The following SV2C variants were observed in gnomAD, a reference collection of about 807,000 sequenced individuals.
The protein encoded by SV2C is synaptic vesicle glycoprotein 2C, also known as solute carrier family 22 member B3.
A neutral mutation model predicts 79.7 loss-of-function variants in SV2C; 49 were observed. The ratio of observed to expected loss-of-function variants is 0.61; its 90% CI spans 0.49 to 0.78. The LOEUF is 0.78. Among genes scored for constraint, SV2C ranks in the 30% least tolerant of loss-of-function variants. The pLI, the probability that SV2C is intolerant of heterozygous loss-of-function variation, is 0.00. For missense variants in SV2C, 833 were observed against 912.9 expected, an observed-to-expected ratio of 0.91 and a Z score of 1.13; for synonymous variants, 334 against 333.2, an observed-to-expected ratio of 1.00 and a Z score of -0.03.
At chr5:75,948,201 T>C in the SV2C span, among the ~76,000 whole-genome samples, 1 of 152,096 alleles carries the variant, frequency 6.6e-6, no homozygotes, top group African/African-American at 2.4e-5. Context: ...AAGTTAGGAC[T>C]GCACCTTACA....
At chr5:76,313,769 G>A (rs1382729574) in intron 12 of SV2C, among the ~76,000 whole-genome samples, 2 of 152,132 alleles carry the variant, frequency 1.3e-5, no homozygotes, top group Non-Finnish European at 2.9e-5. Flanking sequence ...AGGGCTTGGA[G>A]GACGCTTGTA....
chr5:76,245,499 C>T (rs898683696), intron 4 of SV2C, among the ~76,000 whole-genome samples: 2 of 152,162 alleles, frequency 1.3e-5, no homozygotes, highest in African/African-American at 4.8e-5. Flanking sequence ...TGGGAGCCTA[C>T]AAGAGACAAT....
At chr5:75,972,519 A>G in the SV2C span, among the ~76,000 whole-genome samples, 38,621 of 152,080 alleles carry the variant, frequency 0.25, 6,204 homozygotes, top group Non-Finnish European at 0.37. Context: ...TGGGCGAAGG[A>G]TATGAACAGA....
intron 1 of SV2C, among the ~76,000 whole-genome samples, chr5:76,129,195 C>T (rs1307334321): frequency 6.6e-6 from 1 of 152,206 alleles, no homozygotes; most frequent in Non-Finnish European, 1.5e-5. Flanking sequence ...TACCCTTCAC[C>T]AGCTAACCCC....
chr5:75,906,433 C>CTT, the SV2C span, among the ~76,000 whole-genome samples: 495 of 137,118 alleles, frequency 3.6e-3, 4 homozygotes, highest in African/African-American at 0.013. Context: ...TTCATGTCTG[C>CTT]TTTTTTTTTT....
intron 2 of SV2C, among the ~76,000 whole-genome samples, chr5:76,162,548 G>T (rs987624319): frequency 6.6e-6 from 1 of 152,198 alleles, no homozygotes; most frequent in Admixed American, 6.5e-5. Flanking sequence ...TGTACCAGAT[G>T]CTTCCTGACA....
intron 2 of SV2C, among the ~76,000 whole-genome samples, chr5:76,156,054 TG>T (rs1742716252): frequency 6.6e-6 from 1 of 151,400 alleles, no homozygotes; most frequent in African/African-American, 2.4e-5. Context: ...GCTAGTTTGC[TG>T]GGAACTAGGG....
the SV2C span, among the ~76,000 whole-genome samples, chr5:76,020,808 G>A: frequency 6.6e-6 from 1 of 152,136 alleles, no homozygotes; most frequent in Non-Finnish European, 1.5e-5. Flanking sequence ...TAAGAAAGCA[G>A]GTGTGCTTTT....
At chr5:76,117,634 A>T (rs1284672252) in intron 1 of SV2C, among the ~76,000 whole-genome samples, 1 of 152,208 alleles carries the variant, frequency 6.6e-6, no homozygotes, top group East Asian at 1.9e-4. Context: ...AACTGAACAG[A>T]TACTAATACA....
the SV2C span, among the ~76,000 whole-genome samples, chr5:75,998,532 A>C: frequency 2.6e-5 from 4 of 152,142 alleles, no homozygotes; most frequent in African/African-American, 7.2e-5. Flanking sequence ...TTGAATTGCA[A>C]GGAAAATGTC....
the SV2C span, among the ~76,000 whole-genome samples, chr5:75,993,717 G>T: frequency 6.6e-6 from 1 of 152,036 alleles, no homozygotes. Flanking sequence ...GGAGGAGATT[G>T]TCTAGGTCCA....
the SV2C span, among the ~76,000 whole-genome samples, chr5:75,947,616 T>G: frequency 6.6e-6 from 1 of 151,980 alleles, no homozygotes; most frequent in Non-Finnish European, 1.5e-5. Flanking sequence ...TTGAGGGGTA[T>G]CCTAATTTCA....
the SV2C span, chr5:75,910,458 TA>T: frequency 1.7e-6 from 1 of 601,190 alleles, no homozygotes. Flanking sequence ...TCAGCTGCAC[TA>T]AGGAAGTTCT....
chr5:76,038,953 G>A, the SV2C span, among the ~76,000 whole-genome samples: 1 of 152,208 alleles, frequency 6.6e-6, no homozygotes, highest in Non-Finnish European at 1.5e-5. Flanking sequence ...AGAAGAAACA[G>A]TAGAACAGCA....
intron 1 of SV2C, among the ~76,000 whole-genome samples, chr5:76,114,508 G>C (rs1193497020): frequency 6.6e-6 from 1 of 152,220 alleles, no homozygotes; most frequent in African/African-American, 2.4e-5. Flanking sequence ...AGGAAAATGT[G>C]TTTTGCTGTT....
the SV2C span, among the ~76,000 whole-genome samples, chr5:76,066,381 A>G: frequency 2.1e-5 from 3 of 141,336 alleles, no homozygotes; most frequent in Non-Finnish European, 3.0e-5. Context: ...TCTCACTCAT[A>G]GGTGGGAATT....
At position 76,165,250 on chromosome 5, in the gene SV2C, A is replaced by T. The variant is rs117441104; in HGVS notation, c.581-29669A>T. ...TCCCCCAATGATAATATCTTACATA[A>T]CCTTAGTACATTGTCAAAACCAGGA... On this transcript the variant is annotated intron_variant, in intron 2 of 12. Coordinates refer to ENST00000502798, the MANE Select transcript of SV2C (RefSeq NM_014979.4). Among the ~76,000 whole-genome samples the T allele has an allele frequency of 2.2e-3, 336 of 152,332 alleles. 14 individuals are homozygous for T. The East Asian group carries it at 0.057, about 26-fold the overall frequency.
chr5:75,920,846 C>T, the SV2C span: 1 of 762,220 alleles, frequency 1.3e-6, no homozygotes, highest in Non-Finnish European at 2.4e-6. Flanking sequence ...TCAGCTTGTC[C>T]ACAGGGTGAA....
At chr5:76,304,470 A>G (rs1005757389) in intron 12 of SV2C, among the ~76,000 whole-genome samples, 2 of 152,224 alleles carry the variant, frequency 1.3e-5, no homozygotes, top group Admixed American at 1.3e-4. Flanking sequence ...GAGGCAGGAT[A>G]GAATACAAGA....
Sources: gnomAD v4.1 joint callset for allele counts (sites outside exome capture counted in the v4.1 genomes callset) on GRCh38, gnomAD v4.1.1 for gene constraint, MANE v1.5 for transcripts, NCBI Gene and HGNC (gene_info 2026-07-23, HGNC 2026-07-21) for gene names.